The following ACOT11 variants were observed in gnomAD, a reference collection of about 807,000 sequenced individuals.
ACOT11 encodes the protein acyl-coenzyme A thioesterase 11.
ACOT11 carries 69 observed loss-of-function variants against 77.5 expected under a neutral mutation model. The observed-to-expected ratio is 0.89, with a 90% confidence interval of 0.73 to 1.09. The LOEUF (loss-of-function observed/expected upper bound fraction) is 1.09, where lower values mean the gene tolerates loss of function less well. ACOT11 is among the 50% of genes least tolerant of loss of function. The probability of loss-of-function intolerance (pLI) is 0.00; values close to 1 mark genes in which losing one functional copy is unlikely to be tolerated. For missense variants in ACOT11, 766 were observed against 813.7 expected (o/e 0.94, Z 0.71); for synonymous variants, 279 against 313.0 (o/e 0.89, Z 1.15).
rs777678880 is a variant in ACOT11 at position 54,594,684 on chromosome 1, T to C, written c.600T>C (p.Ile200=). The change falls in exon 6 of 16, where the codon ATT becomes ATC. Residue 200 remains isoleucine, a synonymous_variant. Coordinates refer to ENST00000343744, the MANE Select transcript of ACOT11 (RefSeq NM_147161.4). ...TIKDLLANCA[I]QGDLESRDCS... is the part of the protein sequence containing the mutation. ...AGGACCTCCTGGCCAACTGCGCCATTCAGGGCGGTGAGCAGCTGCCAGCTG... is the reference window on the plus strand; with the variant it reads ...AGGACCTCCTGGCCAACTGCGCCATCCAGGGCGGTGAGCAGCTGCCAGCTG... 1 of 1,612,278 alleles carries C rather than the reference T, an allele frequency of 6.2e-7. No homozygotes were observed. The highest frequency in any genetic ancestry group is 8.5e-7 in the Non-Finnish European group (1 of 1,178,812).
At position 54,594,031 on chromosome 1, in the gene ACOT11, A is replaced by T; in HGVS notation, c.463A>T (p.Ile155Phe). The stretch of plus-strand genomic sequence containing the variant: ...GGCCACCTTCGTGGCCCGCCGAGAG[A>T]TCACCAAGGTAACTGGGTGCGCCTG... ...ALATFVARRE[I>F]TKVKLKQITP... The change falls in exon 5 of 16, where the codon ATC (isoleucine) becomes TTC (phenylalanine). Residue 155 changes from isoleucine to phenylalanine, a missense_variant. Physicochemically the swap from Ile to Phe is conservative, Grantham distance 21 (BLOSUM62 0). Transcript: ENST00000343744. 6.2e-7 allele frequency: 1 copy of T among 1,613,650 alleles called. No homozygotes were observed. The highest frequency in any genetic ancestry group is 1.3e-5 in the African/African-American group (1 of 75,012).
At chr1:54,577,265 A>C (rs1014896970) in intron 1 of ACOT11, among the ~76,000 whole-genome samples, 4 of 152,184 alleles carry the variant, frequency 2.6e-5, no homozygotes, top group African/African-American at 9.7e-5. Context: ...ATCACACTAA[A>C]GTACTACAAT....
At chr1:54,624,227 A>G (rs1408193186) in intron 15 of ACOT11, among the ~76,000 whole-genome samples, 1 of 152,166 alleles carries the variant, frequency 6.6e-6, no homozygotes, top group African/African-American at 2.4e-5. Context: ...GCGTCTACAC[A>G]TTGGGGCTCA....
chr1:54,571,069 C>G (rs1375052337), intron 1 of ACOT11, among the ~76,000 whole-genome samples: 2 of 140,578 alleles, frequency 1.4e-5, no homozygotes, highest in African/African-American at 3.2e-5. Flanking sequence ...TATTCTCTCT[C>G]TCTTTTTTTT....
intron 4 of ACOT11, among the ~76,000 whole-genome samples, chr1:54,592,881 G>C (rs1398559588): frequency 6.6e-6 from 1 of 152,202 alleles, no homozygotes; most frequent in Non-Finnish European, 1.5e-5. Context: ...TGACTTCCAG[G>C]CCCCTGAGTC....
At chr1:54,551,733 TTTTG>T (rs992687058) in intron 1 of ACOT11, among the ~76,000 whole-genome samples, 25 of 111,226 alleles carry the variant, frequency 2.2e-4, no homozygotes, top group Admixed American at 7.7e-4. Context: ...TTTTGTTTTG[TTTTG>T]TTTTTGTTTT....
Position 54,548,342 on chromosome 1 carries a change from G to A in ACOT11, c.33G>A (p.Arg11=), listed in dbSNP as rs541602370. The part of the protein sequence containing the change: MIQNVGNHLR[R]GLASVFSNRT... ...AGAATGTCGGAAATCACCTGCGACG[G>A]GTATGGAGGGTGGGCTGGGGCAGCG... Residue 11 remains arginine, a splice_region_variant and synonymous_variant, in exon 1 of 16, where the codon CGG becomes CGA. Coordinates refer to ENST00000343744, the MANE Select transcript of ACOT11 (RefSeq NM_147161.4). 4 of 1,601,582 alleles carry A rather than the reference G, an allele frequency of 2.5e-6. No individual in the cohort carries two copies. The highest frequency in any genetic ancestry group is 3.4e-6 in the Non-Finnish European group (4 of 1,174,510).
intron 1 of ACOT11, among the ~76,000 whole-genome samples, chr1:54,551,745 TTTTG>T (rs1357939768): frequency 6.7e-6 from 1 of 150,048 alleles, no homozygotes; most frequent in Non-Finnish European, 1.5e-5. Flanking sequence ...TTGTTTTTGT[TTTTG>T]TTTTTGTTTT....
chr1:54,582,837 G>A lies in ACOT11; in HGVS notation c.34-1818G>A, dbSNP rs559250672. Among the ~76,000 whole-genome samples, 3 of 152,170 alleles carry A rather than the reference G, an allele frequency of 2.0e-5. No individual in the cohort carries two copies. The East Asian group carries it at 5.8e-4, about 29-fold the overall frequency. On this transcript the variant is annotated intron_variant, in intron 1 of 15. Transcript: ENST00000343744. Reference sequence around the variant, plus strand: ...CTGCCCCTTTTGTTCTGCCCCTTTTGTTCTGCCCAGTTGCCCTCTGCAAGT... The same window carrying A: ...CTGCCCCTTTTGTTCTGCCCCTTTTATTCTGCCCAGTTGCCCTCTGCAAGT...
chr1:54,616,110 C>T (rs1289718925), intron 15 of ACOT11: 8 of 1,614,072 alleles, frequency 5.0e-6, no homozygotes, highest in African/African-American at 1.3e-5. Context: ...ATGGGAACTC[C>T]TGTCTCATTG....
chr1:54,593,901 T>C (rs775548801), intron 4 of ACOT11, 40 bp from the exon 5 acceptor site: 1 of 1,566,154 alleles, frequency 6.4e-7, no homozygotes, highest in Non-Finnish European at 8.8e-7. Context: ...GTGAGTGCAA[T>C]GTTGTTCCTC....
rs1654826688 is a variant in ACOT11, at chr1:54,594,538, C to T, written c.472-18C>T. ...AGACTTGCCCTGAGTGTCCCCCACC[C>T]TGTCCCCTGGCCGACAGGTGAAGCT... is the stretch of plus-strand genomic sequence containing the variant. On this transcript the variant is annotated intron_variant, in intron 5 of 15. Coordinates refer to ENST00000343744, the MANE Select transcript of ACOT11 (RefSeq NM_147161.4). The T allele has an allele frequency of 6.2e-7, 1 of 1,606,866 alleles. No individual in the cohort carries two copies. Among genetic ancestry groups the T allele is most frequent in the African/African-American group, 1.3e-5 (1 of 74,880 alleles).
At chr1:54,600,597 C>T (rs1643949764) in intron 8 of ACOT11, among the ~76,000 whole-genome samples, 2 of 152,280 alleles carry the variant, frequency 1.3e-5, no homozygotes, top group South Asian at 4.1e-4. Context: ...GCACGAGAAT[C>T]CCTTGAATCC....
chr1:54,616,092 G>T, intron 15 of ACOT11: 1 of 1,614,166 alleles, frequency 6.2e-7, no homozygotes, highest in Non-Finnish European at 8.5e-7. Context: ...GTGGGGGGGT[G>T]TGCCATGATG....
chr1:54,614,530 G>C (rs528812263), downstream of ACOT11, among the ~76,000 whole-genome samples: 54 of 152,214 alleles, frequency 3.5e-4, no homozygotes, highest in South Asian at 1.0e-3. Context: ...TGTCAGAAAA[G>C]GGGGGAAAGG....
At chr1:54,591,158 G>A (rs1443372939) in intron 3 of ACOT11, among the ~76,000 whole-genome samples, 3 of 152,102 alleles carry the variant, frequency 2.0e-5, no homozygotes, top group African/African-American at 7.2e-5. Context: ...CCTCCCCTCC[G>A]TGACCATTAG....
At chr1:54,600,421 G>A (rs1569750084) in intron 8 of ACOT11, among the ~76,000 whole-genome samples, 2 of 152,202 alleles carry the variant, frequency 1.3e-5, no homozygotes, top group African/African-American at 4.8e-5. Flanking sequence ...AGTGGCTCAC[G>A]CCTGTAATCC....
chr1:54,613,803 C>T (rs1569786243), downstream of ACOT11, among the ~76,000 whole-genome samples: 2 of 152,136 alleles, frequency 1.3e-5, no homozygotes, highest in South Asian at 2.1e-4. Context: ...TTTTGGAAGG[C>T]ACCTCAGCTT....
At chr1:54,575,003 A>G (rs1415618004) in intron 1 of ACOT11, among the ~76,000 whole-genome samples, 1 of 152,198 alleles carries the variant, frequency 6.6e-6, no homozygotes, top group Admixed American at 6.5e-5. Flanking sequence ...CAAGGAGGAA[A>G]CAGCTTCTCA....
Sources: allele counts gnomAD v4.1 joint callset (sites outside exome capture counted in the v4.1 genomes callset), GRCh38; gene constraint gnomAD v4.1.1; transcripts MANE v1.5; gene names NCBI Gene and HGNC (gene_info 2026-07-23, HGNC 2026-07-21).